Variants in NDUFS5 observed in about 807,000 individuals in gnomAD.
The protein encoded by NDUFS5 is NADH dehydrogenase [ubiquinone] iron-sulfur protein 5.
NDUFS5 carries 7 observed loss-of-function variants against 10.5 expected under a neutral mutation model. That is an observed-to-expected ratio of 0.66 (90% CI 0.38 to 1.25). The LOEUF is 1.25. Ranked by LOEUF, NDUFS5 falls within the 50% of genes most tolerant of loss-of-function variation. NDUFS5 has a pLI of 0.02. For synonymous variants in NDUFS5, 38 were observed against 44.0 expected (o/e 0.86, Z 0.54); for missense variants, 148 against 140.7 (o/e 1.05, Z -0.26).
intron 2 of NDUFS5, among the ~76,000 whole-genome samples, chr1:39,033,507 A>T (rs1207870778): frequency 7.0e-6 from 1 of 142,164 alleles, no homozygotes; most frequent in Non-Finnish European, 1.5e-5. Flanking sequence ...CAGGAGGCGG[A>T]GGTTGCAGTG....
At position 39,028,709 on chromosome 1, in the gene NDUFS5, A is replaced by G. The variant is rs1396561486; in HGVS notation, c.-2-14A>G. The stretch of plus-strand genomic sequence containing the variant: ...GTATTTTATTTACTTATTTTTTTAA[A>G]TCTTCCATTACAGCCATGCCTTTCT... On this transcript the variant is annotated splice_polypyrimidine_tract_variant and intron_variant, in intron 1 of 2. Transcript: ENST00000372969. 1.9e-6 allele frequency: 3 copies of G among 1,611,910 alleles called. No individual in the cohort carries two copies. Among genetic ancestry groups the G allele is most frequent in the South Asian group, 1.1e-5 (1 of 90,906 alleles).
intron 2 of NDUFS5, among the ~76,000 whole-genome samples, chr1:39,031,315 A>G (rs1644189272): frequency 1.3e-5 from 2 of 151,870 alleles, no homozygotes. Flanking sequence ...CCATCCTGTT[A>G]GTCGTGTTTT....
At chr1:39,030,074 G>C (rs928555283) in intron 2 of NDUFS5, among the ~76,000 whole-genome samples, 2 of 151,436 alleles carry the variant, frequency 1.3e-5, no homozygotes, top group Non-Finnish European at 2.9e-5. Context: ...CTGGGCGACA[G>C]AGCGAGACTC....
intron 1 of NDUFS5, among the ~76,000 whole-genome samples, chr1:39,027,335 G>A (rs1447299306): frequency 6.6e-6 from 1 of 152,124 alleles, no homozygotes; most frequent in Non-Finnish European, 1.5e-5. Flanking sequence ...GCCTCCCAAG[G>A]TGCTGGAATT....
chr1:39,032,350 T>C (rs971830765), intron 2 of NDUFS5, among the ~76,000 whole-genome samples: 1 of 152,224 alleles, frequency 6.6e-6, no homozygotes, highest in Non-Finnish European at 1.5e-5. Context: ...GGTATTGTCA[T>C]AGTTCAAAAC....
intron 2 of NDUFS5, among the ~76,000 whole-genome samples, chr1:39,030,817 G>A (rs971142033): frequency 3.3e-5 from 5 of 152,172 alleles, no homozygotes; most frequent in African/African-American, 1.2e-4. Flanking sequence ...TTGGGAGTTA[G>A]GAGAGTCAGG....
chr1:39,028,686 A>G, intron 1 of NDUFS5, 37 bp from the exon 2 acceptor site: 1 of 1,586,994 alleles, frequency 6.3e-7, no homozygotes, highest in Non-Finnish European at 8.6e-7. Flanking sequence ...CTCTTGTGGT[A>G]TTTTATTTAC....
intron 2 of NDUFS5, among the ~76,000 whole-genome samples, chr1:39,030,982 A>C (rs1644187103): frequency 1.3e-5 from 2 of 151,556 alleles, no homozygotes; most frequent in Admixed American, 1.3e-4. Flanking sequence ...TGATTCTTCC[A>C]CTTCAGCCTC....
rs760373747 is a variant in NDUFS5 at position 39,027,581 on chromosome 1, G to GTTTTTT, written c.-2-1132_-2-1127dup. On this transcript the variant is annotated intron_variant, in intron 1 of 2. Transcript: ENST00000372969. ...GTCTTAACCCATTTCTTTCGCTCTGGTTTTTTTTTTTTTTTGAGACAGGAT... is the reference window on the plus strand; with the variant it reads ...GTCTTAACCCATTTCTTTCGCTCTGGTTTTTTTTTTTTTTTTTTTTTGAGACAGGAT... Among the ~76,000 whole-genome samples the GTTTTTT allele has an allele frequency of 6.6e-5, 6 of 91,132 alleles. 1 individual carries two copies. The highest frequency in any genetic ancestry group is 5.5e-4 in the Admixed American group (4 of 7,312). The allele number at this position is 91,132 out of a possible 152,430, so 59.8% of individuals were successfully genotyped here.
chr1:39,030,713 C>CTT (rs1256713652), intron 2 of NDUFS5, among the ~76,000 whole-genome samples: 1 of 119,090 alleles, frequency 8.4e-6, no homozygotes, highest in East Asian at 2.4e-4. Flanking sequence ...GAGCGAGACT[C>CTT]TGTCTCAAGA....
Position 39,028,782 on chromosome 1 carries a change from A to G in NDUFS5, c.58A>G (p.Ile20Val). The change falls in exon 2 of 3, where the codon ATC (isoleucine) becomes GTC (valine). Residue 20 changes from isoleucine (I) to valine (V), a missense_variant. Transcript: ENST00000372969. ...FGLNIDRWLT[I>V]QSGEQPYKMA... is the part of the protein sequence containing the mutation. Reference sequence around the variant, plus strand: ...CCTTAACATAGATCGATGGTTGACAATCCAGAGTGGTGAACAGCCCTACAA... The same window carrying G: ...CCTTAACATAGATCGATGGTTGACAGTCCAGAGTGGTGAACAGCCCTACAA... 1 of 1,614,192 alleles carries G rather than the reference A, an allele frequency of 6.2e-7. No individual in the cohort carries two copies. The highest frequency in any genetic ancestry group is 8.5e-7 in the Non-Finnish European group (1 of 1,180,032).
chr1:39,028,644 A>AT (rs1644169367), intron 1 of NDUFS5, 79 bp from the exon 2 acceptor site: 2 of 1,316,504 alleles, frequency 1.5e-6, no homozygotes, highest in African/African-American at 1.5e-5. Flanking sequence ...TGATTATCTA[A>AT]TTTTTTCTTA....
At chr1:39,027,581 G>GTTGTTTTTTTTTTT (rs1644158665) in intron 1 of NDUFS5, among the ~76,000 whole-genome samples, 1 of 91,134 alleles carries the variant, frequency 1.1e-5, no homozygotes, top group Non-Finnish European at 2.2e-5. Flanking sequence ...TTTCGCTCTG[G>GTTGTTTTTTTTTTT]TTTTTTTTTT....
rs181331299 is a variant in NDUFS5, at chr1:39,032,091, G to T, written c.217-2301G>T. 2.2e-3 allele frequency among the ~76,000 whole-genome samples: 338 copies of T among 151,728 alleles called. 3 individuals are homozygous for T. The highest frequency in any genetic ancestry group is 8.0e-3 in the African/African-American group (332 of 41,504). On this transcript the variant is annotated intron_variant, in intron 2 of 2. Transcript: ENST00000372969. Reference sequence around the variant, plus strand: ...GGAGAATCGCTTGAACCCGAGAGGCGGAGGTTGTAGTGAGTTGAGATTGCG... The same window carrying T: ...GGAGAATCGCTTGAACCCGAGAGGCTGAGGTTGTAGTGAGTTGAGATTGCG...
chr1:39,033,935 G>A (rs1644210738), intron 2 of NDUFS5, among the ~76,000 whole-genome samples: 1 of 151,860 alleles, frequency 6.6e-6, no homozygotes, highest in South Asian at 2.1e-4. Context: ...CGAGTAGCTG[G>A]GATTACAGAT....
rs35464164 is a variant in NDUFS5, at chr1:39,028,994, C to CTTT, written c.216+67_216+69dup. ...ATTACTTTCTTGTTCCTTTGGGACTCTTTTTTTTTTTTTTTGAGACGAAGT... is the reference window on the plus strand; with the variant it reads ...ATTACTTTCTTGTTCCTTTGGGACTCTTTTTTTTTTTTTTTTTTGAGACGAAGT... On this transcript the variant is annotated intron_variant, in intron 2 of 2. Transcript: ENST00000372969. The CTTT allele has an allele frequency of 1.0e-3, 1,176 of 1,180,542 alleles. 2 individuals carry two copies. Among genetic ancestry groups the CTTT allele is most frequent in the African/African-American group, 2.1e-3 (130 of 61,988 alleles). 73.1% of individuals were successfully genotyped at this position (1,180,542 alleles called of 1,614,324 possible).
chr1:39,034,224 G>A (rs1221301156), intron 2 of NDUFS5, among the ~76,000 whole-genome samples, 168 bp from the exon 3 acceptor site: 5 of 152,156 alleles, frequency 3.3e-5, no homozygotes, highest in African/African-American at 1.2e-4. Flanking sequence ...GAAAGCTTGG[G>A]AAGTGATTTC....
At chr1:39,032,429 G>T (rs1222990690) in intron 2 of NDUFS5, among the ~76,000 whole-genome samples, 1 of 152,124 alleles carries the variant, frequency 6.6e-6, no homozygotes, top group Admixed American at 6.6e-5. Context: ...AATGGTTAAT[G>T]TTTATTTCAG....
chr1:39,033,750 T>C (rs1453906222), intron 2 of NDUFS5, among the ~76,000 whole-genome samples: 2 of 151,648 alleles, frequency 1.3e-5, no homozygotes, highest in African/African-American at 2.4e-5. Context: ...TTCGCCCGCC[T>C]CGGCCTCCCA....
Sources: gnomAD v4.1 joint callset for allele counts (sites outside exome capture counted in the v4.1 genomes callset) on GRCh38, gnomAD v4.1.1 for gene constraint, MANE v1.5 for transcripts, NCBI Gene and HGNC (gene_info 2026-07-23, HGNC 2026-07-21) for gene names.